ATXN1: variants seen among roughly 807,000 people sequenced by gnomAD.
ATXN1 encodes the protein ataxin-1.
ATXN1 carries 8 observed loss-of-function variants against 56.4 expected under a neutral mutation model. That is an observed-to-expected ratio of 0.14 (90% CI 0.08 to 0.26). The LOEUF is 0.26. Ranked by LOEUF, ATXN1 falls within the 10% of genes least tolerant of loss-of-function variation. The pLI is 1.00. For synonymous variants in ATXN1, 514 were observed against 494.6 expected, an observed-to-expected ratio of 1.04 and a Z score of -0.52; for missense variants, 987 against 1,106.5, an observed-to-expected ratio of 0.89 and a Z score of 1.53.
chr6:16,502,453 G>T (rs1366815488), intron 5 of ATXN1, among the ~76,000 whole-genome samples: 7 of 152,180 alleles, frequency 4.6e-5, no homozygotes, highest in Admixed American at 1.3e-4. Flanking sequence ...TAAAAATAAT[G>T]ATATCCTTTA....
intron 6 of ATXN1, among the ~76,000 whole-genome samples, chr6:16,336,802 C>T (rs1343348540): frequency 6.6e-6 from 1 of 152,144 alleles, no homozygotes; most frequent in Admixed American, 6.5e-5. Context: ...GCTGGGACTG[C>T]AGTGGGTCAA....
intron 3 of ATXN1, among the ~76,000 whole-genome samples, chr6:16,606,867 T>TTTTGTGTGTGTGTGTGTGTGTGTG (rs1554119512): frequency 7.9e-6 from 1 of 126,712 alleles, no homozygotes; most frequent in Non-Finnish European, 1.7e-5. Flanking sequence ...GTTCCATGAG[T>TTTTGTGTGTGTGTGTGTGTGTGTG]TGTGTGTGTG....
chr6:16,482,025 T>A (rs934717545), intron 6 of ATXN1, among the ~76,000 whole-genome samples: 7 of 152,036 alleles, frequency 4.6e-5, no homozygotes, highest in Non-Finnish European at 1.0e-4. Context: ...TTTTTTTTTT[T>A]ACACAAATTG....
At chr6:16,575,075 C>T (rs995235417) in intron 4 of ATXN1, among the ~76,000 whole-genome samples, 1 of 152,016 alleles carries the variant, frequency 6.6e-6, no homozygotes, top group African/African-American at 2.4e-5. Context: ...GTGGGACACA[C>T]GATGTCAATA....
chr6:16,398,960 A>G (rs889541600), intron 6 of ATXN1, among the ~76,000 whole-genome samples: 7 of 152,216 alleles, frequency 4.6e-5, no homozygotes, highest in Admixed American at 1.3e-4. Flanking sequence ...GGGCCCTCCA[A>G]CGTGGACTCA....
At chr6:16,491,589 GC>G (rs2113663018) in intron 5 of ATXN1, among the ~76,000 whole-genome samples, 1 of 152,100 alleles carries the variant, frequency 6.6e-6, no homozygotes, top group East Asian at 1.9e-4. Flanking sequence ...GAGCCATGGC[GC>G]CCGGCCTGAT....
At chr6:16,576,653 T>C (rs182993700) in intron 4 of ATXN1, among the ~76,000 whole-genome samples, 47 of 152,336 alleles carry the variant, frequency 3.1e-4, no homozygotes, top group African/African-American at 9.9e-4. Context: ...TCACCTTTTC[T>C]AATTAATGTC....
chr6:16,564,718 A>G (rs563728446), intron 4 of ATXN1, among the ~76,000 whole-genome samples: 12 of 152,304 alleles, frequency 7.9e-5, no homozygotes, highest in South Asian at 2.1e-4. Flanking sequence ...GGATTGGGGG[A>G]AAATGGGAAG....
At chr6:16,338,500 T>A (rs1179259255) in intron 6 of ATXN1, among the ~76,000 whole-genome samples, 2 of 152,116 alleles carry the variant, frequency 1.3e-5, no homozygotes, top group Non-Finnish European at 2.9e-5. Context: ...CTCAAAATAA[T>A]AATTTTAATT....
rs764842057 is a variant in ATXN1, at chr6:16,326,402, G to A, written c.1909C>T (p.Arg637Ter). 6.2e-7 allele frequency: 1 copy of A among 1,613,148 alleles called. No individual in the cohort carries two copies. The highest frequency in any genetic ancestry group is 8.5e-7 in the Non-Finnish European group (1 of 1,179,528). The change falls in exon 7 of 8, where the codon CGA becomes TGA. Residue 637 changes from arginine (R) to a stop codon, truncating the protein, a stop_gained. Coordinates refer to ENST00000436367, the MANE Select transcript of ATXN1 (RefSeq NM_001128164.2). LOFTEE classifies it high-confidence loss of function. The surrounding 1 kb of genome is among the most constrained non-coding windows in gnomAD (Gnocchi z 6.6). The stretch of plus-strand genomic sequence containing the variant: ...ACCCTGGCTAACGTTACCTGGGCTC[G>A]GTGCTCCCCGACGGCGAACTGTATC... Reference protein sequence around the residue: ...AVIQFAVGEHRAQVSVEVLVE... With the variant: ...AVIQFAVGEH
chr6:16,505,183 G>A (rs1760960076), intron 5 of ATXN1, among the ~76,000 whole-genome samples: 1 of 151,978 alleles, frequency 6.6e-6, no homozygotes, highest in Non-Finnish European at 1.5e-5. Context: ...GGACACCTAG[G>A]CACACATGGG....
chr6:16,374,721 C>T (rs1000253806), intron 6 of ATXN1, among the ~76,000 whole-genome samples: 6 of 152,136 alleles, frequency 3.9e-5, no homozygotes, highest in Admixed American at 2.6e-4. Flanking sequence ...TGATATAGAG[C>T]GAAGCTGGGG....
chr6:16,473,636 T>G (rs1047270992), intron 6 of ATXN1, among the ~76,000 whole-genome samples: 2 of 152,072 alleles, frequency 1.3e-5, no homozygotes, highest in African/African-American at 2.4e-5. Flanking sequence ...TTGGTAGGTG[T>G]TTATTTAGAA....
At chr6:16,493,017 C>A (rs180904454) in intron 5 of ATXN1, among the ~76,000 whole-genome samples, 1 of 152,276 alleles carries the variant, frequency 6.6e-6, no homozygotes, top group Admixed American at 6.5e-5. Flanking sequence ...TCTATCTTCA[C>A]CGCCCCATGC....
intron 4 of ATXN1, among the ~76,000 whole-genome samples, chr6:16,540,605 G>A (rs1466243767): frequency 6.6e-6 from 1 of 152,168 alleles, no homozygotes; most frequent in South Asian, 2.1e-4. Flanking sequence ...GGTAGGTAAA[G>A]TGCCTGAAGT....
At chr6:16,419,330 T>A (rs1363767262) in intron 6 of ATXN1, among the ~76,000 whole-genome samples, 1 of 152,222 alleles carries the variant, frequency 6.6e-6, no homozygotes, top group Non-Finnish European at 1.5e-5. Context: ...ATAAATGTTA[T>A]CTATTCCAAT....
chr6:16,676,947 G>A (rs143220064), intron 2 of ATXN1, among the ~76,000 whole-genome samples: 194 of 151,924 alleles, frequency 1.3e-3, no homozygotes, highest in African/African-American at 4.5e-3. Flanking sequence ...ACCCTCTGCT[G>A]TATTTTGTAG....
chr6:16,671,349 A>G, intron 2 of ATXN1, among the ~76,000 whole-genome samples: 1 of 150,238 alleles, frequency 6.7e-6, no homozygotes, highest in Admixed American at 6.6e-5. Context: ...GAATAAGAGA[A>G]GTACAAAAGA....
intron 2 of ATXN1, among the ~76,000 whole-genome samples, chr6:16,742,223 G>C (rs1760364470): frequency 1.3e-5 from 2 of 152,004 alleles, no homozygotes; most frequent in Non-Finnish European, 1.5e-5. Flanking sequence ...AAAAGTATCA[G>C]ATCAGACACC....
Sources: gnomAD v4.1 joint callset for allele counts (sites outside exome capture counted in the v4.1 genomes callset) on GRCh38, gnomAD v4.1.1 for gene constraint, Gnocchi (gnomAD v3.1) non-coding constraint, MANE v1.5 for transcripts, NCBI Gene and HGNC (gene_info 2026-07-23, HGNC 2026-07-21) for gene names.